HDAC4: variants seen among roughly 807,000 people sequenced by gnomAD.
HDAC4 encodes the protein histone deacetylase 4.
HDAC4 carries 16 observed loss-of-function variants against 135.1 expected under a neutral mutation model. That is an observed-to-expected ratio of 0.12 (90% confidence interval 0.08 to 0.18). HDAC4 has a LOEUF of 0.18. Ranked by LOEUF, HDAC4 falls within the 10% of genes least tolerant of loss-of-function variation. HDAC4 has a pLI of 1.00. For synonymous variants in HDAC4, 685 were observed against 653.4 expected, an observed-to-expected ratio of 1.05 and a Z score of -0.74; for missense variants, 1,143 against 1,511.8, an observed-to-expected ratio of 0.76 and a Z score of 4.05.
intron 3 of HDAC4, among the ~76,000 whole-genome samples, chr2:239,191,464 G>A (rs956726548): frequency 4.6e-5 from 7 of 152,262 alleles, no homozygotes; most frequent in Admixed American, 2.0e-4. Context: ...TGGGTGCAAA[G>A]CATTTCCACA....
At chr2:239,284,849 A>C (rs965287134) in intron 2 of HDAC4, among the ~76,000 whole-genome samples, 1 of 152,234 alleles carries the variant, frequency 6.6e-6, no homozygotes, top group African/African-American at 2.4e-5. Context: ...CAGACTGGGG[A>C]GACCCAGGAT....
chr2:239,105,592 C>T (rs547306361), intron 15 of HDAC4, among the ~76,000 whole-genome samples: 49 of 152,180 alleles, frequency 3.2e-4, no homozygotes, highest in Admixed American at 2.9e-3. Flanking sequence ...TTCCTCACCA[C>T]GCGAAGCCAA....
chr2:239,190,307 A>G (rs2044847182), intron 3 of HDAC4, among the ~76,000 whole-genome samples: 1 of 152,054 alleles, frequency 6.6e-6, no homozygotes, highest in African/African-American at 2.4e-5. Context: ...ACAAAAGCCC[A>G]TGGGAGGTCA....
intron 22 of HDAC4, among the ~76,000 whole-genome samples, chr2:239,070,029 C>T (rs2034011601): frequency 6.6e-6 from 1 of 151,640 alleles, no homozygotes; most frequent in Non-Finnish European, 1.5e-5. Context: ...CCTGCCCATC[C>T]TCTCTTCTGA....
chr2:239,305,180 A>C (rs139464760), intron 2 of HDAC4, among the ~76,000 whole-genome samples: 12 of 152,160 alleles, frequency 7.9e-5, no homozygotes, highest in African/African-American at 2.9e-4. Context: ...ATACGGCCAC[A>C]CTCATCTGAG....
intron 3 of HDAC4, among the ~76,000 whole-genome samples, chr2:239,209,810 G>T (rs2046262900): frequency 1.3e-5 from 2 of 152,198 alleles, no homozygotes; most frequent in Non-Finnish European, 2.9e-5. Flanking sequence ...CAGAAGGAGA[G>T]AATTCCAAAG....
At chr2:239,060,525 G>T (rs2032531225) in intron 24 of HDAC4, among the ~76,000 whole-genome samples, 1 of 152,248 alleles carries the variant, frequency 6.6e-6, no homozygotes, top group Non-Finnish European at 1.5e-5. Flanking sequence ...TCATGAGGAA[G>T]GGACCCTGGA....
intron 7 of HDAC4, among the ~76,000 whole-genome samples, chr2:239,151,275 A>C (rs1290244017): frequency 6.6e-6 from 1 of 152,246 alleles, no homozygotes; most frequent in Non-Finnish European, 1.5e-5. Flanking sequence ...TGAAGCCATG[A>C]AGTGGATGCC....
intron 3 of HDAC4, among the ~76,000 whole-genome samples, chr2:239,216,980 C>T (rs1373693630): frequency 6.6e-6 from 1 of 152,242 alleles, no homozygotes; most frequent in Non-Finnish European, 1.5e-5. Context: ...TGACTGCATT[C>T]ACGCCACTTT....
chr2:239,287,269 C>T (rs987586810), intron 2 of HDAC4, among the ~76,000 whole-genome samples: 2 of 152,206 alleles, frequency 1.3e-5, no homozygotes, highest in Admixed American at 1.3e-4. Flanking sequence ...GAGGCTCCTT[C>T]GGCTGCGACG....
Position 239,361,192 on chromosome 2 carries a change from G to C in HDAC4, c.-219-8274C>G, listed in dbSNP as rs540643263. 5.9e-4 allele frequency among the ~76,000 whole-genome samples: 90 copies of C among 152,216 alleles called. 1 individual carries two copies. The highest frequency in any genetic ancestry group is 1.2e-3 in the Admixed American group (18 of 15,284). On this transcript the variant is annotated intron_variant, in intron 1 of 26. Coordinates refer to ENST00000543185, the MANE Select transcript of HDAC4 (RefSeq NM_001378414.1). ...AATGTGACCTCCTGCTGCACCCCTGGCCCAAGGCACACAGTAGGCACACAA... is the reference window on the plus strand; with the variant it reads ...AATGTGACCTCCTGCTGCACCCCTGCCCCAAGGCACACAGTAGGCACACAA...
At chr2:239,253,101 C>T (rs2048873146) in intron 2 of HDAC4, among the ~76,000 whole-genome samples, 2 of 152,234 alleles carry the variant, frequency 1.3e-5, no homozygotes, top group Non-Finnish European at 2.9e-5. Context: ...ATATTTTCAT[C>T]TTCTCCTAAG....
intron 2 of HDAC4, among the ~76,000 whole-genome samples, chr2:239,280,488 C>G (rs4852043): frequency 6.6e-6 from 1 of 152,322 alleles, no homozygotes; most frequent in South Asian, 2.1e-4. Flanking sequence ...GCACAGAAGG[C>G]AGGCAGGTGA....
intron 2 of HDAC4, among the ~76,000 whole-genome samples, chr2:239,277,923 C>A (rs1218403940): frequency 1.3e-5 from 2 of 152,050 alleles, no homozygotes. Flanking sequence ...CCCAGCCACA[C>A]ACTCCAGCCA....
In HDAC4 at chr2:239,141,964, G is replaced by A. The variant is rs181339604; in HGVS notation, c.866-2168C>T. ...ACACCATTGGAGGTGCTCAAAAGGC[G>A]TGTGGCTGAAATTGAGTGGAGAGGG... is the stretch of plus-strand genomic sequence containing the variant. On this transcript the variant is annotated intron_variant, in intron 8 of 26. Coordinates refer to ENST00000543185, the MANE Select transcript of HDAC4 (RefSeq NM_001378414.1). This position sits in a 1 kb window ranked among gnomAD's most constrained non-coding sequence, Gnocchi z 4.9. 2.2e-4 allele frequency among the ~76,000 whole-genome samples: 34 copies of A among 152,284 alleles called. No homozygotes were observed. The highest frequency in any genetic ancestry group is 5.9e-4 in the Admixed American group (9 of 15,298).
chr2:239,275,675 G>A (rs977901486), intron 2 of HDAC4, among the ~76,000 whole-genome samples: 2 of 152,110 alleles, frequency 1.3e-5, no homozygotes, highest in African/African-American at 4.8e-5. Flanking sequence ...TGCGACTCCA[G>A]GTCCAGCCTC....
chr2:239,263,343 C>T (rs2049502271), intron 2 of HDAC4, among the ~76,000 whole-genome samples: 1 of 137,172 alleles, frequency 7.3e-6, no homozygotes. Context: ...CAGCCCCTTG[C>T]ACATCAGCCG....
chr2:239,348,744 G>A (rs1036026319), intron 2 of HDAC4, among the ~76,000 whole-genome samples: 13 of 152,226 alleles, frequency 8.5e-5, no homozygotes, highest in Non-Finnish European at 1.3e-4. Context: ...AGGCTCCAGG[G>A]CCTCCTTTCA....
Position 239,240,475 on chromosome 2 carries a change from G to C in HDAC4, c.23-3811C>G, listed in dbSNP as rs909943831. On this transcript the variant is annotated intron_variant, in intron 2 of 26. Coordinates refer to ENST00000543185, the MANE Select transcript of HDAC4 (RefSeq NM_001378414.1). This position sits in a 1 kb window ranked among gnomAD's most constrained non-coding sequence, Gnocchi z 4.5. ...AAATTTCTCAGGCTGAGGAGAAAGC[G>C]GTGCTAAGAACCCAGCGTTTACAAG... Among the ~76,000 whole-genome samples, 2 of 152,226 alleles carry C rather than the reference G, an allele frequency of 1.3e-5. No individual in the cohort carries two copies. The highest frequency in any genetic ancestry group is 2.9e-5 in the Non-Finnish European group (2 of 68,044).
Sources: gnomAD v4.1 joint callset for allele counts (sites outside exome capture counted in the v4.1 genomes callset) on GRCh38, gnomAD v4.1.1 for gene constraint, Gnocchi (gnomAD v3.1) non-coding constraint, MANE v1.5 for transcripts, NCBI Gene and HGNC (gene_info 2026-07-23, HGNC 2026-07-21) for gene names.